GXYLT2: variants seen among roughly 807,000 people sequenced by gnomAD.
GXYLT2 encodes glycosyltransferase 8 domain containing 4.
In GXYLT2, 53 loss-of-function variants were observed where a neutral mutation model predicts 45.8. The ratio of observed to expected loss-of-function variants is 1.16; its 90% confidence interval spans 0.93 to 1.46. The LOEUF (loss-of-function observed/expected upper bound fraction) is 1.46. Among genes scored for constraint, GXYLT2 ranks in the 40% most tolerant of loss-of-function variants. The pLI is 0.00. For synonymous variants in GXYLT2, 219 were observed against 214.2 expected (o/e 1.02, Z -0.19); for missense variants, 551 against 544.4 (o/e 1.01, Z -0.12).
At chr3:72,970,422 G>A (rs1710965494) in intron 6 of GXYLT2, among the ~76,000 whole-genome samples, 1 of 151,378 alleles carries the variant, frequency 6.6e-6, no homozygotes, top group Admixed American at 6.6e-5. Flanking sequence ...CAGCACTTTG[G>A]AGGCTGAGGT....
intron 6 of GXYLT2, among the ~76,000 whole-genome samples, chr3:72,974,669 A>C (rs1711057254): frequency 6.6e-6 from 1 of 152,108 alleles, no homozygotes; most frequent in Non-Finnish European, 1.5e-5. Flanking sequence ...GCTGGTCTCA[A>C]ACTCCTGGGC....
chr3:72,917,350 C>T (rs539582328), intron 2 of GXYLT2, among the ~76,000 whole-genome samples: 4 of 152,150 alleles, frequency 2.6e-5, no homozygotes, highest in African/African-American at 9.6e-5. Context: ...TCTGACTGGT[C>T]AGTACTGTCA....
intron 3 of GXYLT2, among the ~76,000 whole-genome samples, chr3:72,930,744 C>T (rs1165936298): frequency 6.6e-6 from 1 of 151,598 alleles, no homozygotes; most frequent in South Asian, 2.1e-4. Flanking sequence ...CAGGTGTGCA[C>T]CACCAAGCCC....
At chr3:72,944,598 G>A (rs905199829) in intron 3 of GXYLT2, among the ~76,000 whole-genome samples, 1 of 152,092 alleles carries the variant, frequency 6.6e-6, no homozygotes, top group African/African-American at 2.4e-5. Flanking sequence ...CACAAAAAGA[G>A]TGTTTCTCTT....
At position 72,957,204 on chromosome 3, in the gene GXYLT2, G is replaced by A. The variant is rs1710665017; in HGVS notation, c.853-25G>A. On this transcript the variant is annotated intron_variant, in intron 4 of 6. Coordinates refer to ENST00000389617, the MANE Select transcript of GXYLT2 (RefSeq NM_001080393.2). Reference sequence around the variant, plus strand: ...AAAATGTATTTGCTTTGCTTCAGCTGTTCTGATGGTTTTCTTTTTTCCAGA... The same window carrying A: ...AAAATGTATTTGCTTTGCTTCAGCTATTCTGATGGTTTTCTTTTTTCCAGA... The A allele has an allele frequency of 1.9e-6, 3 of 1,600,018 alleles. No individual in the cohort carries two copies. In the East Asian group the frequency reaches 6.7e-5, roughly 36 times the overall value.
Position 72,913,035 on chromosome 3 carries a change from G to T in GXYLT2, c.468+4476G>T, listed in dbSNP as rs7622412. 2.5e-3 allele frequency among the ~76,000 whole-genome samples: 340 copies of T among 134,762 alleles called. 1 individual carries two copies. The highest frequency in any genetic ancestry group is 7.7e-3 in the African/African-American group (267 of 34,470). 88.4% of individuals were successfully genotyped at this position (134,762 alleles called of 152,430 possible). A position where few individuals can be genotyped will look rare whatever the true frequency, so the allele number is the denominator to read the frequency against. On this transcript the variant is annotated intron_variant, in intron 2 of 6. Transcript: ENST00000389617. ...GTTCATTTCCTCAGGTTTTTTTTTT[G>T]TTTTTTTTTTTGTTTTTTTTGAGAC...
chr3:72,919,474 G>T (rs567339522), intron 2 of GXYLT2, among the ~76,000 whole-genome samples: 26 of 152,342 alleles, frequency 1.7e-4, no homozygotes, highest in African/African-American at 6.3e-4. Flanking sequence ...TCAGTAATGG[G>T]CTGGGCACGG....
At chr3:72,888,775 G>A (rs554211974) in intron 1 of GXYLT2, among the ~76,000 whole-genome samples, 2 of 152,304 alleles carry the variant, frequency 1.3e-5, no homozygotes, top group East Asian at 3.9e-4. Flanking sequence ...TCAAGGCAAG[G>A]CGTATTTTTG....
At chr3:72,893,849 G>GTT (rs113369269) in intron 1 of GXYLT2, among the ~76,000 whole-genome samples, 3 of 145,912 alleles carry the variant, frequency 2.1e-5, no homozygotes, top group African/African-American at 5.0e-5. Flanking sequence ...TATTATTTGG[G>GTT]TTTTTTTTTT....
chr3:72,889,895 G>GTT (rs1447986577), intron 1 of GXYLT2, among the ~76,000 whole-genome samples: 13 of 138,882 alleles, frequency 9.4e-5, no homozygotes, highest in African/African-American at 4.0e-4. Context: ...TTTTTCTTTT[G>GTT]GTTTTTTTTT....
At chr3:72,949,435 C>T (rs550674374) in intron 3 of GXYLT2, among the ~76,000 whole-genome samples, 1 of 151,782 alleles carries the variant, frequency 6.6e-6, no homozygotes, top group Non-Finnish European at 1.5e-5. Context: ...TTTGCTTTGC[C>T]CCTTTTCTGT....
At chr3:72,899,112 C>T (rs1051509962) in intron 1 of GXYLT2, among the ~76,000 whole-genome samples, 1 of 152,282 alleles carries the variant, frequency 6.6e-6, no homozygotes, top group East Asian at 1.9e-4. Flanking sequence ...TTAAGTCCCC[C>T]TCTCTGGGTT....
At position 72,908,449 on chromosome 3, in the gene GXYLT2, C is replaced by A; in HGVS notation, c.358C>A (p.Arg120=). The A allele has an allele frequency of 6.2e-7, 1 of 1,613,826 alleles. No homozygotes were observed. Among genetic ancestry groups the A allele is most frequent in the Non-Finnish European group, 8.5e-7 (1 of 1,179,846 alleles). Residue 120 remains arginine, a synonymous_variant, in exon 2 of 7, where the codon CGG becomes AGG. Transcript: ENST00000389617. ...IHLAVVACGN[R]LEETLVMLKS... Reference sequence around the variant, plus strand: ...CCTGGCTGTGGTGGCCTGTGGCAATCGGCTGGAGGAGACGCTGGTCATGCT... The same window carrying A: ...CCTGGCTGTGGTGGCCTGTGGCAATAGGCTGGAGGAGACGCTGGTCATGCT...
intron 1 of GXYLT2, among the ~76,000 whole-genome samples, chr3:72,891,278 C>CA (rs1373288026): frequency 6.6e-6 from 1 of 152,132 alleles, no homozygotes; most frequent in African/African-American, 2.4e-5. Context: ...TTGGATGTGA[C>CA]ACAGTCCACC....
intron 3 of GXYLT2, among the ~76,000 whole-genome samples, chr3:72,936,594 C>T (rs1428767186): frequency 6.6e-6 from 1 of 151,812 alleles, no homozygotes; most frequent in East Asian, 1.9e-4. Flanking sequence ...GAGCTGAGAT[C>T]GCACCATTGC....
rs150867280 is a variant in GXYLT2, at chr3:72,898,824, C to T, written c.276-9543C>T. On this transcript the variant is annotated intron_variant, in intron 1 of 6. Coordinates refer to ENST00000389617, the MANE Select transcript of GXYLT2 (RefSeq NM_001080393.2). ...TCAGCTCACTGCAACCTCCGCCTTC[C>T]GGGTTAAAGTGATTCTCCTGCCTAA... 3.2e-3 allele frequency among the ~76,000 whole-genome samples: 480 copies of T among 152,070 alleles called. 3 individuals are homozygous for T. Among genetic ancestry groups the T allele is most frequent in the South Asian group, 0.015 (70 of 4,820 alleles).
chr3:72,966,766 C>T (rs1259980317), intron 5 of GXYLT2, among the ~76,000 whole-genome samples: 1 of 152,050 alleles, frequency 6.6e-6, no homozygotes. Context: ...GGTGGGATTA[C>T]AGGTGCGTGC....
rs533957073 is a variant in GXYLT2 at position 72,957,524 on chromosome 3, G to A, written c.976+172G>A. ...GCCCCCCTGGGTATCTGATGGAGGC[G>A]GGGCCTTGCACTACTGACACAAAAG... On this transcript the variant is annotated intron_variant, in intron 5 of 6. Coordinates refer to ENST00000389617, the MANE Select transcript of GXYLT2 (RefSeq NM_001080393.2). Among the ~76,000 whole-genome samples the A allele has an allele frequency of 5.3e-5, 8 of 152,194 alleles. 1 individual carries two copies. The highest frequency in any genetic ancestry group is 3.9e-4 in the Admixed American group (6 of 15,280).
At position 72,908,370 on chromosome 3, in the gene GXYLT2, G is replaced by A; in HGVS notation, c.279G>A (p.Arg93=). Residue 93 remains arginine (R), a synonymous_variant, in exon 2 of 7, where the codon AGG becomes AGA. Coordinates refer to ENST00000389617, the MANE Select transcript of GXYLT2 (RefSeq NM_001080393.2). ...CACTTGTTTTCCCTCTTTCTAGGAG[G>A]CCTGGAGAACCCAGGAGTTTCCAAG... ...GAARLEKLAR[R]PGEPRSFQAV... 6.3e-7 allele frequency: 1 copy of A among 1,592,206 alleles called. No individual in the cohort carries two copies. The highest frequency in any genetic ancestry group is 8.5e-7 in the Non-Finnish European group (1 of 1,173,132).
Sources: allele counts gnomAD v4.1 joint callset (sites outside exome capture counted in the v4.1 genomes callset), GRCh38; gene constraint gnomAD v4.1.1; transcripts MANE v1.5; gene names NCBI Gene and HGNC (gene_info 2026-07-23, HGNC 2026-07-21).